Variants in SH3GL3 observed in about 807,000 individuals in gnomAD.
SH3GL3 encodes the protein endophilin-A3.
SH3GL3 carries 33 observed loss-of-function variants against 47.7 expected under a neutral mutation model. The observed-to-expected ratio is 0.69, with a 90% CI of 0.52 to 0.92. The LOEUF (loss-of-function observed/expected upper bound fraction) is 0.92. Among genes scored for constraint, SH3GL3 ranks in the 40% least tolerant of loss-of-function variants. The pLI, the probability that SH3GL3 is intolerant of heterozygous loss-of-function variation, is 0.00. For synonymous variants in SH3GL3, 155 were observed against 148.8 expected (o/e 1.04, Z -0.30); for missense variants, 363 against 417.8 (o/e 0.87, Z 1.14).
At chr15:83,492,990 T>C (rs1228366852) in intron 1 of SH3GL3, among the ~76,000 whole-genome samples, 5 of 152,254 alleles carry the variant, frequency 3.3e-5, no homozygotes, top group Non-Finnish European at 7.3e-5. Context: ...GTGAACCTTA[T>C]TTCCATCTGG....
At chr15:83,613,054 G>A (rs1221241015) in intron 8 of SH3GL3, among the ~76,000 whole-genome samples, 1 of 152,216 alleles carries the variant, frequency 6.6e-6, no homozygotes, top group Non-Finnish European at 1.5e-5. Context: ...CTTGGGTTGA[G>A]GGCCCCAGGC....
intron 1 of SH3GL3, among the ~76,000 whole-genome samples, chr15:83,528,462 A>G (rs189592593): frequency 5.0e-4 from 76 of 152,278 alleles, no homozygotes; most frequent in African/African-American, 1.8e-3. Flanking sequence ...ATGGCATCCC[A>G]TATGTCATGT....
At chr15:83,591,473 G>GTT (rs11433788) in intron 8 of SH3GL3, among the ~76,000 whole-genome samples, 16,876 of 147,388 alleles carry the variant, frequency 0.11, 1,181 homozygotes, top group Admixed American at 0.21. Context: ...ATCCTTAAAG[G>GTT]TTTTTTTTTT....
intron 6 of SH3GL3, among the ~76,000 whole-genome samples, chr15:83,576,991 A>G (rs903369522): frequency 7.8e-6 from 1 of 128,646 alleles, no homozygotes; most frequent in Non-Finnish European, 1.5e-5. Context: ...GCTCACTACA[A>G]CCTCCGTCTC....
intron 1 of SH3GL3, among the ~76,000 whole-genome samples, chr15:83,484,675 C>T (rs1205848983): frequency 6.6e-6 from 1 of 151,974 alleles, no homozygotes; most frequent in Non-Finnish European, 1.5e-5. Flanking sequence ...TCACAAATAA[C>T]CTCAGTGATT....
intron 1 of SH3GL3, among the ~76,000 whole-genome samples, chr15:83,462,922 A>G (rs565920846): frequency 6.6e-6 from 1 of 152,320 alleles, no homozygotes; most frequent in East Asian, 1.9e-4. Flanking sequence ...TATCCAGGAC[A>G]GGTCCATCCT....
At position 83,485,693 on chromosome 15, in the gene SH3GL3, C is replaced by T. The variant is rs574716098; in HGVS notation, c.45+38115C>T. On this transcript the variant is annotated intron_variant, in intron 1 of 8. Coordinates refer to ENST00000427482, the MANE Select transcript of SH3GL3 (RefSeq NM_003027.5). The stretch of plus-strand genomic sequence containing the variant: ...TTTTTTTTTTATAGAGTCAGGGTCT[C>T]CCTATGTTGTCCAGGCTGGTCTCGA... Among the ~76,000 whole-genome samples the T allele has an allele frequency of 1.1e-4, 16 of 151,960 alleles. No homozygotes were observed. The South Asian group carries it at 3.1e-3, about 30-fold the overall frequency.
intron 1 of SH3GL3, among the ~76,000 whole-genome samples, chr15:83,476,800 C>T (rs981872563): frequency 1.3e-5 from 2 of 152,110 alleles, no homozygotes; most frequent in Non-Finnish European, 1.5e-5. Flanking sequence ...CTATGTGGTC[C>T]CTACAAAGAA....
chr15:83,557,120 G>A (rs774965137), intron 1 of SH3GL3, among the ~76,000 whole-genome samples: 16 of 152,206 alleles, frequency 1.1e-4, no homozygotes, highest in Non-Finnish European at 1.6e-4. Context: ...CTTAATGAGA[G>A]GAGCTGCAAA....
chr15:83,599,474 C>T (rs1367116554), intron 8 of SH3GL3, among the ~76,000 whole-genome samples: 1 of 152,200 alleles, frequency 6.6e-6, no homozygotes, highest in Non-Finnish European at 1.5e-5. Context: ...TGAGTTTCTT[C>T]ACTTAGAATA....
At position 83,447,963 on chromosome 15, in the gene SH3GL3, C is replaced by A. The variant is rs907062947; in HGVS notation, c.45+385C>A. Among the ~76,000 whole-genome samples, 1 of 152,132 alleles carries A rather than the reference C, an allele frequency of 6.6e-6. No homozygotes were observed. The highest frequency in any genetic ancestry group is 2.4e-5 in the African/African-American group (1 of 41,418). Reference sequence around the variant, plus strand: ...GCAGGGCCTCCCCCGAGTCTCCAGCCGTTTGGTTGGGAGAGCCTCGTGGGG... The same window carrying A: ...GCAGGGCCTCCCCCGAGTCTCCAGCAGTTTGGTTGGGAGAGCCTCGTGGGG... On this transcript the variant is annotated intron_variant, in intron 1 of 8. Coordinates refer to ENST00000427482, the MANE Select transcript of SH3GL3 (RefSeq NM_003027.5). This position sits in a 1 kb window ranked among gnomAD's most constrained non-coding sequence, Gnocchi z 5.1.
In SH3GL3 at chr15:83,587,123, C is replaced by T. The variant is rs550589451; in HGVS notation, c.728+37C>T. 1.3e-3 allele frequency: 1,405 copies of T among 1,091,438 alleles called. 30 individuals are homozygous for T. In the South Asian group the frequency reaches 0.017, roughly 13 times the overall value. The allele number at this position is 1,091,438 out of a possible 1,614,324, so 67.6% of individuals were successfully genotyped here. ...CACGTTTCTTACAAGCCAAGGGCTG[C>T]GGAGGTAACATCTATTGAAATCCAT... On this transcript the variant is annotated intron_variant, in intron 7 of 8. Transcript: ENST00000427482.
At chr15:83,610,303 A>T (rs1011596143) in intron 8 of SH3GL3, among the ~76,000 whole-genome samples, 1 of 152,304 alleles carries the variant, frequency 6.6e-6, no homozygotes, top group African/African-American at 2.4e-5. Flanking sequence ...TTGAGAGGCC[A>T]AAGCAGGAGG....
chr15:83,474,359 C>G (rs1029429109), intron 1 of SH3GL3, among the ~76,000 whole-genome samples: 2 of 152,158 alleles, frequency 1.3e-5, no homozygotes, highest in Non-Finnish European at 2.9e-5. Context: ...CCTAGATCCT[C>G]TTGATTTTTT....
intron 8 of SH3GL3, among the ~76,000 whole-genome samples, chr15:83,601,365 T>A (rs1270821206): frequency 6.6e-6 from 1 of 152,206 alleles, no homozygotes; most frequent in Non-Finnish European, 1.5e-5. Flanking sequence ...CATTGAGGTA[T>A]GTCCCTTGTA....
chr15:83,469,291 C>G (rs1239238950), intron 1 of SH3GL3, among the ~76,000 whole-genome samples: 2 of 151,870 alleles, frequency 1.3e-5, no homozygotes, highest in Non-Finnish European at 2.9e-5. Context: ...GTTTTATTTT[C>G]TCAATTGTTT....
intron 1 of SH3GL3, among the ~76,000 whole-genome samples, chr15:83,515,061 C>A (rs1351329345): frequency 1.3e-5 from 2 of 152,082 alleles, no homozygotes; most frequent in Non-Finnish European, 2.9e-5. Flanking sequence ...ACCAACCCTG[C>A]CAGCCCCTTG....
the SH3GL3 span, among the ~76,000 whole-genome samples, chr15:83,632,995 A>T: frequency 1.3e-3 from 196 of 152,360 alleles, no homozygotes; most frequent in African/African-American, 4.4e-3. Context: ...TAAAATCATA[A>T]GTTAACCCTC....
chr15:83,492,168 A>G (rs2041901498), intron 1 of SH3GL3, among the ~76,000 whole-genome samples: 1 of 151,068 alleles, frequency 6.6e-6, no homozygotes, highest in Admixed American at 6.6e-5. Flanking sequence ...CTGTAATCCC[A>G]GCTACTCGGG....
Sources: gnomAD v4.1 joint callset for allele counts (sites outside exome capture counted in the v4.1 genomes callset) on GRCh38, gnomAD v4.1.1 for gene constraint, Gnocchi (gnomAD v3.1) non-coding constraint, MANE v1.5 for transcripts, NCBI Gene and HGNC (gene_info 2026-07-23, HGNC 2026-07-21) for gene names.